VPS13D: variants seen among roughly 807,000 people sequenced by gnomAD.
VPS13D encodes intermembrane lipid transfer protein VPS13D.
Under a neutral mutation model 461.9 loss-of-function variants are expected in VPS13D, and 187 were observed. The observed-to-expected ratio is 0.40, with a 90% CI of 0.36 to 0.46. VPS13D has a LOEUF of 0.46. Among genes scored for constraint, VPS13D ranks in the 20% least tolerant of loss-of-function variants. The probability of loss-of-function intolerance (pLI) is 0.60; values close to 1 mark genes in which losing one functional copy is unlikely to be tolerated. For synonymous variants in VPS13D, 1,951 were observed against 1,986.3 expected, an observed-to-expected ratio of 0.98 and a Z score of 0.47; for missense variants, 4,711 against 5,364.9, an observed-to-expected ratio of 0.88 and a Z score of 3.81.
intron 60 of VPS13D, among the ~76,000 whole-genome samples, chr1:12,399,871 A>G (rs1017886832): frequency 1.3e-5 from 2 of 152,190 alleles, no homozygotes; most frequent in African/African-American, 2.4e-5. Flanking sequence ...ATGTTTGGAA[A>G]TATTTTTATG....
intron 17 of VPS13D, 109 bp downstream of exon 17, chr1:12,271,233 C>A: frequency 1.5e-6 from 2 of 1,327,494 alleles, no homozygotes; most frequent in Non-Finnish European, 2.1e-6. Flanking sequence ...ATTATGCTGA[C>A]TGAGTAAACT....
chr1:12,475,547 A>G (rs1645619882), intron 67 of VPS13D, among the ~76,000 whole-genome samples: 1 of 152,262 alleles, frequency 6.6e-6, no homozygotes, highest in Admixed American at 6.5e-5. Context: ...TAGTGTACCT[A>G]AAGTATTCTT....
rs572253343 is a variant in VPS13D, at chr1:12,376,312, T to TA, written c.10918-2113dup. Among the ~76,000 whole-genome samples, 297 of 152,342 alleles carry TA rather than the reference T, an allele frequency of 1.9e-3. 1 individual carries two copies. Among genetic ancestry groups the TA allele is most frequent in the African/African-American group, 6.7e-3 (277 of 41,574 alleles). ...AGGTTTGAGTTCTGGCTTTGCCACT[T>TA]AAAGATATATAGTATCTGGTATTTC... On this transcript the variant is annotated intron_variant, in intron 55 of 69. Transcript: ENST00000620676.
At chr1:12,356,319 G>A (rs1643885470) in intron 48 of VPS13D, 79 bp from the exon 49 acceptor site, 7 of 1,506,810 alleles carry the variant, frequency 4.6e-6, no homozygotes, top group Admixed American at 2.2e-5. Flanking sequence ...CCCGCTTGAT[G>A]GTTTTATTCA....
At chr1:12,345,124 G>A (rs774303296) in intron 42 of VPS13D, 22 of 352,522 alleles carry the variant, frequency 6.2e-5, no homozygotes, top group Non-Finnish European at 8.9e-5. Context: ...TAGGTTTTGC[G>A]TGGTTTGTAC....
intron 7 of VPS13D, among the ~76,000 whole-genome samples, chr1:12,255,997 A>G (rs1390364429): frequency 1.3e-5 from 2 of 152,070 alleles, no homozygotes; most frequent in African/African-American, 4.8e-5. Flanking sequence ...GATATAATAC[A>G]CTATTGATTA....
intron 67 of VPS13D, chr1:12,464,806 C>T (rs529712273): frequency 6.6e-6 from 1 of 152,316 alleles, no homozygotes; most frequent in South Asian, 2.1e-4. Flanking sequence ...GTTCACTGTA[C>T]AAGTATGTGT....
intron 23 of VPS13D, among the ~76,000 whole-genome samples, chr1:12,292,208 G>T (rs1384954613): frequency 6.8e-6 from 1 of 147,936 alleles, no homozygotes; most frequent in African/African-American, 2.5e-5. Flanking sequence ...GCAGTGAGCC[G>T]GGATTGTGCC....
At chr1:12,379,640 C>A (rs41300104) in intron 57 of VPS13D, 44 bp downstream of exon 57, 1,168 of 1,480,716 alleles carry the variant, frequency 7.9e-4, no homozygotes, top group Non-Finnish European at 1.0e-3. Context: ...AGTGGTTGAG[C>A]CTTCTTTGAA....
chr1:12,475,405 T>G (rs1341780890), intron 67 of VPS13D, among the ~76,000 whole-genome samples: 1 of 152,128 alleles, frequency 6.6e-6, no homozygotes, highest in African/African-American at 2.4e-5. Flanking sequence ...CAGAGGAAGC[T>G]CCCTTCCTAG....
At chr1:12,425,491 G>A (rs538677306) in intron 65 of VPS13D, among the ~76,000 whole-genome samples, 2 of 152,012 alleles carry the variant, frequency 1.3e-5, no homozygotes, top group East Asian at 3.9e-4. Flanking sequence ...CCCAGGAGGC[G>A]GAGGTTGCAG....
chr1:12,271,228 GCTGA>G, intron 17 of VPS13D, 104 bp downstream of exon 17: 1 of 1,399,208 alleles, frequency 7.1e-7, no homozygotes, highest in Admixed American at 1.9e-5. Context: ...TATCAATTAT[GCTGA>G]CTGAGTAAAC....
At position 12,308,616 on chromosome 1, in the gene VPS13D, T is replaced by C. The variant is rs201701408; in HGVS notation, c.6625T>C (p.Leu2209=). 6 of 1,613,474 alleles carry C rather than the reference T, an allele frequency of 3.7e-6. No individual in the cohort carries two copies. The highest frequency in any genetic ancestry group is 3.4e-6 in the Non-Finnish European group (4 of 1,179,928). The change falls in exon 27 of 70, where the codon TTG becomes CTG. Residue 2209 remains leucine (L), a synonymous_variant. Coordinates refer to ENST00000620676, the MANE Select transcript of VPS13D (RefSeq NM_015378.4). ...CTTAACCGAGCCTTGTAGGCTGAAA[T>C]TGCAGGTGGAAAGGAATTTGGACAA... ...SLLTEPCRLK[L]QVERNLDKEI... is the part of the protein sequence containing the mutation.
At position 12,283,147 on chromosome 1, in the gene VPS13D, A is replaced by G; in HGVS notation, c.5045A>G (p.Asp1682Gly). 6.2e-7 allele frequency: 1 copy of G among 1,614,174 alleles called. No individual in the cohort carries two copies. Among genetic ancestry groups the G allele is most frequent in the Non-Finnish European group, 8.5e-7 (1 of 1,180,004 alleles). Residue 1682 changes from aspartate (D) to glycine (G), a missense_variant, in exon 21 of 70, where the codon GAT becomes GGT. Coordinates refer to ENST00000620676, the MANE Select transcript of VPS13D (RefSeq NM_015378.4). ...GAGGACTTATTGGAGAAGAATCCAG[A>G]TTCTAAATATAAGAACCTGATGGTG... ...LMEDLLEKNP[D>G]SKYKNLMVSR... is the part of the protein sequence containing the mutation.
At chr1:12,274,180 A>G (rs1641538759) in intron 18 of VPS13D, among the ~76,000 whole-genome samples, 1 of 152,220 alleles carries the variant, frequency 6.6e-6, no homozygotes, top group South Asian at 2.1e-4. Flanking sequence ...AGCTGGAATT[A>G]CAGGTGCCCA....
In VPS13D at chr1:12,507,161, C is replaced by T; in HGVS notation, c.13035+68C>T. 2 of 1,609,506 alleles carry T rather than the reference C, an allele frequency of 1.2e-6. No homozygotes were observed. The highest frequency in any genetic ancestry group is 1.7e-6 in the Non-Finnish European group (2 of 1,177,480). ...GGGCCTCGATGCCTCTGCCCTGCTT[C>T]CCCGTCCTCAGCAGGAGCTCATTTA... is the stretch of plus-strand genomic sequence containing the variant. On this transcript the variant is annotated intron_variant, in intron 69 of 69. Coordinates refer to ENST00000620676, the MANE Select transcript of VPS13D (RefSeq NM_015378.4). The surrounding 1 kb of genome is among the most constrained non-coding windows in gnomAD (Gnocchi z 5.3).
chr1:12,264,011 A>G (rs560973155), intron 13 of VPS13D, among the ~76,000 whole-genome samples: 2 of 152,316 alleles, frequency 1.3e-5, no homozygotes, highest in African/African-American at 2.4e-5. Flanking sequence ...TCTGTGTCAC[A>G]TTTTAGTAAT....
intron 65 of VPS13D, among the ~76,000 whole-genome samples, chr1:12,445,490 G>A (rs533204678): frequency 5.9e-5 from 9 of 152,274 alleles, no homozygotes; most frequent in African/African-American, 2.2e-4. Flanking sequence ...AGATCTGCTG[G>A]AAGTAGATGG....
At chr1:12,448,693 A>T (rs1352258122) in intron 65 of VPS13D, among the ~76,000 whole-genome samples, 1 of 152,216 alleles carries the variant, frequency 6.6e-6, no homozygotes, top group East Asian at 1.9e-4. Context: ...CGACTTCTCT[A>T]TGTTGAAGAT....
Sources: allele counts gnomAD v4.1 joint callset (sites outside exome capture counted in the v4.1 genomes callset), GRCh38; gene constraint gnomAD v4.1.1; non-coding constraint Gnocchi (gnomAD v3.1); transcripts MANE v1.5; gene names NCBI Gene and HGNC (gene_info 2026-07-23, HGNC 2026-07-21).